The following ZNF518B variants were observed in gnomAD, a reference collection of about 807,000 sequenced individuals.
ZNF518B encodes the protein zinc finger protein 518B.
Under a neutral mutation model 56.3 loss-of-function variants are expected in ZNF518B, and 23 were observed. That is an observed-to-expected ratio of 0.41 (90% CI 0.29 to 0.58). The LOEUF (loss-of-function observed/expected upper bound fraction) is 0.58, where lower values mean the gene tolerates loss of function less well. Ranked by LOEUF, ZNF518B falls within the 20% of genes least tolerant of loss-of-function variation. The pLI, the probability that ZNF518B is intolerant of heterozygous loss-of-function variation, is 0.32. For synonymous variants in ZNF518B, 529 were observed against 465.9 expected (o/e 1.14, Z -1.74); for missense variants, 1,460 against 1,272.1 (o/e 1.15, Z -2.25).
upstream of ZNF518B, among the ~76,000 whole-genome samples, chr4:10,458,410 A>C (rs1189011173): frequency 2.0e-5 from 3 of 152,220 alleles, no homozygotes; most frequent in African/African-American, 7.2e-5. Context: ...GTGCACGGAC[A>C]GCGGCCAGTA....
At chr4:10,448,044 TAA>T (rs1715147923) in intron 2 of ZNF518B, among the ~76,000 whole-genome samples, 1 of 152,228 alleles carries the variant, frequency 6.6e-6, no homozygotes, top group African/African-American at 2.4e-5. Flanking sequence ...TGGAATCTGC[TAA>T]AAGCCTTTCT....
At position 10,444,981 on chromosome 4, in the gene ZNF518B, TG is replaced by T; in HGVS notation, c.1347del (p.Asn449LysfsTer33). On this transcript the variant is annotated frameshift_variant, in exon 3 of 3. Coordinates refer to ENST00000326756, the MANE Select transcript of ZNF518B (RefSeq NM_053042.3). LOFTEE classifies it high-confidence loss of function. Reference protein sequence around the residue: ...DFIMPNSSVHNNGKSFINSET... With the variant: ...DFIMPNSSVHXNGKSFINSET... ...TCCGAATTAATGAAGGATTTTCCAT[TG>T]TTGTGCACACTAGAATTTGGCATAA... 6.2e-7 allele frequency: 1 copy of T among 1,613,462 alleles called. No individual in the cohort carries two copies. Among genetic ancestry groups the T allele is most frequent in the Non-Finnish European group, 8.5e-7 (1 of 1,179,826 alleles).
At chr4:10,459,665 G>A (rs1560177961), upstream of ZNF518B, among the ~76,000 whole-genome samples, 2 of 152,244 alleles carry the variant, frequency 1.3e-5, no homozygotes, top group East Asian at 3.9e-4. Flanking sequence ...AGAAGAAAAT[G>A]CCATGAGAAG....
At position 10,443,539 on chromosome 4, in the gene ZNF518B, T is replaced by C; in HGVS notation, c.2790A>G (p.Pro930=). The change falls in exon 3 of 3, where the codon CCA becomes CCG. Residue 930 remains proline (P), a synonymous_variant. Coordinates refer to ENST00000326756, the MANE Select transcript of ZNF518B (RefSeq NM_053042.3). ...GACGGGGACACTTAATCAACTGATC[T>C]GGCTTAGCTGCTATCAGTCTTAGTT... ...ARQLRLIAAK[P]DQLIKCPRRN... 1.2e-6 allele frequency: 2 copies of C among 1,614,070 alleles called. No homozygotes were observed. The highest frequency in any genetic ancestry group is 1.7e-6 in the Non-Finnish European group (2 of 1,179,892).
intron 2 of ZNF518B, among the ~76,000 whole-genome samples, chr4:10,449,423 T>C (rs1298107826): frequency 3.9e-5 from 6 of 152,230 alleles, no homozygotes; most frequent in East Asian, 1.9e-4. Context: ...ATGCAGCTGA[T>C]AGTTTAATAT....
Position 10,441,978 on chromosome 4 carries a change from C to T in ZNF518B, c.*1126G>A, listed in dbSNP as rs143325696. 19 of 152,268 alleles carry T rather than the reference C, an allele frequency of 1.2e-4. No homozygotes were observed. The highest frequency in any genetic ancestry group is 4.6e-4 in the African/African-American group (19 of 41,532). 9.4% of individuals were successfully genotyped at this position (152,268 alleles called of 1,614,324 possible). ...CCATTTTGTTGATTCCTGCCATTTT[C>T]TAGTAATCGCATGAGGGAAAACCTT... On this transcript the variant is annotated 3_prime_UTR_variant, in exon 3 of 3. Coordinates refer to ENST00000326756, the MANE Select transcript of ZNF518B (RefSeq NM_053042.3).
chr4:10,447,125 T>C lies in ZNF518B; in HGVS notation c.-211-586A>G, dbSNP rs145464632. ...GCAGCATCTTATTGGGAATCTACTA[T>C]GTGCTGGGCATTATTCAAAAGTGCT... On this transcript the variant is annotated intron_variant, in intron 2 of 2. Transcript: ENST00000326756. 6.6e-3 allele frequency among the ~76,000 whole-genome samples: 1,005 copies of C among 152,318 alleles called. 3 individuals carry two copies. The highest frequency in any genetic ancestry group is 0.029 in the South Asian group (139 of 4,828).
intron 2 of ZNF518B, among the ~76,000 whole-genome samples, chr4:10,450,426 A>G (rs559780531): frequency 6.6e-6 from 1 of 152,342 alleles, no homozygotes; most frequent in South Asian, 2.1e-4. Context: ...ACCTGTGTCT[A>G]GTAACAGAGG....
chr4:10,451,175 G>A (rs1483485507), intron 2 of ZNF518B: 11 of 152,074 alleles, frequency 7.2e-5, no homozygotes, highest in African/African-American at 2.7e-4. Context: ...GACTTATTAT[G>A]GGGACATAAA....
At chr4:10,447,423 C>G (rs2108990070) in intron 2 of ZNF518B, among the ~76,000 whole-genome samples, 1 of 152,026 alleles carries the variant, frequency 6.6e-6, no homozygotes, top group African/African-American at 2.4e-5. Context: ...GTTTCAAGCA[C>G]AGAAAAGGCA....
chr4:10,452,562 CTG>C (rs2108995132), intron 2 of ZNF518B: 1 of 152,234 alleles, frequency 6.6e-6, no homozygotes, highest in Admixed American at 6.5e-5. Context: ...GAGGAAGAAA[CTG>C]TTGCCTCAGA....
Position 10,450,708 on chromosome 4 carries a change from C to T in ZNF518B, c.-212+4097G>A, listed in dbSNP as rs1715266013. On this transcript the variant is annotated intron_variant, in intron 2 of 2. Coordinates refer to ENST00000326756, the MANE Select transcript of ZNF518B (RefSeq NM_053042.3). ...GTACAAAAAGACACCGGAGACAAAG[C>T]TGTGCATGGGTATGCTGGCACTGAA... Among the ~76,000 whole-genome samples the T allele has an allele frequency of 3.3e-5, 5 of 152,244 alleles. No homozygotes were observed. In the South Asian group the frequency reaches 1.0e-3, roughly 32 times the overall value.
intron 2 of ZNF518B, chr4:10,451,201 G>C (rs993152703): frequency 6.6e-6 from 1 of 152,068 alleles, no homozygotes; most frequent in Non-Finnish European, 1.5e-5. Context: ...ACAAAGTATC[G>C]AGTTTGGGAG....
In ZNF518B at chr4:10,446,416, G is replaced by A. The variant is rs1715059261; in HGVS notation, c.-88C>T. 2.4e-6 allele frequency: 3 copies of A among 1,274,918 alleles called. No individual in the cohort carries two copies. Among genetic ancestry groups the A allele is most frequent in the Non-Finnish European group, 2.2e-6 (2 of 906,636 alleles). 79.0% of individuals were successfully genotyped at this position (1,274,918 alleles called of 1,614,324 possible). A position where few individuals can be genotyped will look rare whatever the true frequency, so the allele number is the denominator to read the frequency against. On this transcript the variant is annotated 5_prime_UTR_variant, in exon 3 of 3. Transcript: ENST00000326756. ...TAGGAGATATCCTTCTATACAGTTT[G>A]TGATGGGTAGGGGCGCAGCTACTTC...
chr4:10,456,287 A>G (rs1438614702), intron 1 of ZNF518B, among the ~76,000 whole-genome samples: 2 of 152,096 alleles, frequency 1.3e-5, no homozygotes, highest in African/African-American at 4.8e-5. Flanking sequence ...CCCAACTTAT[A>G]AAGACTTAAG....
At chr4:10,456,288 A>G (rs966363215) in intron 1 of ZNF518B, among the ~76,000 whole-genome samples, 1 of 152,106 alleles carries the variant, frequency 6.6e-6, no homozygotes, top group Non-Finnish European at 1.5e-5. Context: ...CCAACTTATA[A>G]AGACTTAAGT....
Position 10,440,860 on chromosome 4 carries a change from C to G in ZNF518B, c.*2244G>C, listed in dbSNP as rs1211543534. ...GAATAGGAGATAAAAAAGTGGCAAA[C>G]AAAACAAAACAAAAAAAAACCACAG... On this transcript the variant is annotated 3_prime_UTR_variant, in exon 3 of 3. Transcript: ENST00000326756. The G allele has an allele frequency of 1.3e-5, 2 of 151,764 alleles. No homozygotes were observed. The highest frequency in any genetic ancestry group is 2.9e-5 in the Non-Finnish European group (2 of 67,878). The allele number at this position is 151,764 out of a possible 1,614,324, so 9.4% of individuals were successfully genotyped here. A position where few individuals can be genotyped will look rare whatever the true frequency, so the allele number is the denominator to read the frequency against.
chr4:10,456,780 C>T (rs924555771), intron 1 of ZNF518B, among the ~76,000 whole-genome samples: 1 of 152,312 alleles, frequency 6.6e-6, no homozygotes, highest in East Asian at 1.9e-4. Flanking sequence ...CGCTCAGCTC[C>T]GAGGCCCGCA....
Position 10,444,480 on chromosome 4 carries a change from C to T in ZNF518B, c.1849G>A (p.Glu617Lys). ...TTAGTCCTTTCAGAATTCTTTAATT[C>T]CAAAGGCTTATCCCCAGGCTGTTGA... ...RSQQPGDKPL[E>K]LKNSERTNNT... The change falls in exon 3 of 3, where the codon GAA (glutamate) becomes AAA (lysine). Residue 617 changes from glutamate to lysine, a missense_variant. Coordinates refer to ENST00000326756, the MANE Select transcript of ZNF518B (RefSeq NM_053042.3). 1 of 1,614,154 alleles carries T rather than the reference C, an allele frequency of 6.2e-7. No individual in the cohort carries two copies. The highest frequency in any genetic ancestry group is 8.5e-7 in the Non-Finnish European group (1 of 1,180,028).
Sources: gnomAD v4.1 joint callset for allele counts (sites outside exome capture counted in the v4.1 genomes callset) on GRCh38, gnomAD v4.1.1 for gene constraint, MANE v1.5 for transcripts, NCBI Gene and HGNC (gene_info 2026-07-23, HGNC 2026-07-21) for gene names.